PCNX1: variants seen among roughly 807,000 people sequenced by gnomAD.
PCNX1 encodes pecanex 1.
PCNX1 carries 78 observed loss-of-function variants against 242.2 expected under a neutral mutation model. The observed-to-expected ratio is 0.32, with a 90% confidence interval of 0.27 to 0.39. The LOEUF is 0.39. Among genes scored for constraint, PCNX1 ranks in the 10% least tolerant of loss-of-function variants. The pLI, the probability that PCNX1 is intolerant of heterozygous loss-of-function variation, is 1.00. For synonymous variants in PCNX1, 1,024 were observed against 1,032.9 expected (o/e 0.99, Z 0.17); for missense variants, 2,581 against 2,856.5 (o/e 0.90, Z 2.20).
chr14:71,045,114 C>T lies in PCNX1; in HGVS notation c.3868-19C>T, dbSNP rs1595362123. 1 of 1,547,784 alleles carries T rather than the reference C, an allele frequency of 6.5e-7. No individual in the cohort carries two copies. Among genetic ancestry groups the T allele is most frequent in the Non-Finnish European group, 8.7e-7 (1 of 1,147,462 alleles). Reference sequence around the variant, plus strand: ...CTCAAAATCACTCCTAATTTTATCACTTCTATTATTTTTTTTAGCCTGCCC... The same window carrying T: ...CTCAAAATCACTCCTAATTTTATCATTTCTATTATTTTTTTTAGCCTGCCC... On this transcript the variant is annotated intron_variant, in intron 19 of 35. Transcript: ENST00000304743.
chr14:70,977,974 C>A lies in PCNX1; in HGVS notation c.1637C>A (p.Ser546Tyr), dbSNP rs749367790. The part of the protein sequence containing the change: ...KQKEGDVRPK[S>Y]SSVIHRTASA... ...AAGGAAGGGGATGTTCGACCTAAAT[C>A]TTCTAGCGTAATCCATCGGACAGCT... The change falls in exon 6 of 36, where the codon TCT becomes TAT. Residue 546 changes from serine to tyrosine, a missense_variant. Physicochemically the swap from Ser to Tyr is moderately radical, Grantham distance 144. Transcript: ENST00000304743. 1.9e-6 allele frequency: 3 copies of A among 1,614,136 alleles called. No homozygotes were observed. Among genetic ancestry groups the A allele is most frequent in the Non-Finnish European group, 1.7e-6 (2 of 1,180,032 alleles).
intron 28 of PCNX1, among the ~76,000 whole-genome samples, chr14:71,080,700 AT>A (rs2061833006): frequency 6.6e-6 from 1 of 152,116 alleles, no homozygotes; most frequent in African/African-American, 2.4e-5. Context: ...AATGCTTGTG[AT>A]TTTTGCACAT....
At chr14:70,916,712 A>G (rs1440687003) in intron 1 of PCNX1, among the ~76,000 whole-genome samples, 1 of 152,182 alleles carries the variant, frequency 6.6e-6, no homozygotes, top group Non-Finnish European at 1.5e-5. Context: ...GGTCTTGCCT[A>G]AGTGTTGTTG....
At chr14:71,035,681 G>A (rs933405923) in intron 18 of PCNX1, among the ~76,000 whole-genome samples, 11 of 150,190 alleles carry the variant, frequency 7.3e-5, no homozygotes, top group African/African-American at 2.5e-4. Context: ...CAAGATGGGC[G>A]TATATCACTT....
chr14:70,997,616 T>C (rs761201909), intron 8 of PCNX1, among the ~76,000 whole-genome samples: 11 of 152,208 alleles, frequency 7.2e-5, no homozygotes, highest in Non-Finnish European at 1.6e-4. Flanking sequence ...ATTTGGATTT[T>C]ATCTTTTCTG....
chr14:71,000,470 C>T (rs1377874879), intron 8 of PCNX1, among the ~76,000 whole-genome samples: 2 of 150,390 alleles, frequency 1.3e-5, no homozygotes, highest in Non-Finnish European at 3.0e-5. Flanking sequence ...AGTTTTGTAT[C>T]TTGCTTTTTT....
chr14:71,083,210 CAG>C (rs1446756756), intron 28 of PCNX1, among the ~76,000 whole-genome samples: 2 of 152,204 alleles, frequency 1.3e-5, no homozygotes. Context: ...GCGGTTTCTG[CAG>C]AGAGATCTGC....
At chr14:70,978,715 T>C in intron 6 of PCNX1, 67 bp downstream of exon 6, 1 of 1,335,740 alleles carries the variant, frequency 7.5e-7, no homozygotes, top group Non-Finnish European at 1.0e-6. Context: ...ATTAGAGTAG[T>C]ACTTACTAAA....
At chr14:71,073,004 C>T (rs113518792) in intron 26 of PCNX1, among the ~76,000 whole-genome samples, 4 of 152,294 alleles carry the variant, frequency 2.6e-5, no homozygotes, top group Admixed American at 6.5e-5. Flanking sequence ...CTTTACCACA[C>T]GAATTATCAG....
chr14:71,070,787 CAACTTA>C (rs2061568173), intron 26 of PCNX1, among the ~76,000 whole-genome samples: 1 of 152,198 alleles, frequency 6.6e-6, no homozygotes, highest in Non-Finnish European at 1.5e-5. Context: ...ATGAGCATTT[CAACTTA>C]AACTTAGCAG....
chr14:70,918,273 T>G (rs1385666951), intron 1 of PCNX1, among the ~76,000 whole-genome samples: 2 of 152,242 alleles, frequency 1.3e-5, no homozygotes, highest in Non-Finnish European at 2.9e-5. Context: ...CTACCTGTCT[T>G]GGCTTTTGAT....
At chr14:71,002,917 G>A (rs552695077) in intron 8 of PCNX1, among the ~76,000 whole-genome samples, 26 of 152,058 alleles carry the variant, frequency 1.7e-4, no homozygotes, top group African/African-American at 6.0e-4. Context: ...AGACATAATG[G>A]GTATAGAATG....
intron 6 of PCNX1, among the ~76,000 whole-genome samples, chr14:70,981,294 G>T (rs1186155374): frequency 6.6e-6 from 1 of 152,098 alleles, no homozygotes; most frequent in Non-Finnish European, 1.5e-5. Context: ...TAATTCAGTG[G>T]TATAAAATTA....
intron 6 of PCNX1, among the ~76,000 whole-genome samples, chr14:70,979,704 T>C (rs1029026852): frequency 6.6e-6 from 1 of 152,166 alleles, no homozygotes; most frequent in African/African-American, 2.4e-5. Flanking sequence ...ATATGCTTTT[T>C]CTCAAAGATG....
intron 1 of PCNX1, among the ~76,000 whole-genome samples, chr14:70,936,124 A>T (rs1214856088): frequency 6.6e-6 from 1 of 152,098 alleles, no homozygotes; most frequent in African/African-American, 2.4e-5. Context: ...TAGGAATTTT[A>T]TTTTTATTTT....
chr14:71,018,096 A>G (rs1399346813), intron 11 of PCNX1, among the ~76,000 whole-genome samples: 1 of 152,014 alleles, frequency 6.6e-6, no homozygotes, highest in Admixed American at 6.6e-5. Flanking sequence ...TTTTTAACCT[A>G]TATGTTTAAT....
intron 30 of PCNX1, among the ~76,000 whole-genome samples, chr14:71,096,366 G>C (rs2062281975): frequency 6.6e-6 from 1 of 152,128 alleles, no homozygotes; most frequent in Admixed American, 6.5e-5. Flanking sequence ...CTGTACTTAG[G>C]AGGCTAAGGT....
intron 9 of PCNX1, 136 bp from the exon 10 acceptor site, chr14:71,011,356 C>G: frequency 3.0e-6 from 2 of 658,906 alleles, no homozygotes; most frequent in South Asian, 3.4e-5. Flanking sequence ...GTGCTTATCA[C>G]AACTCTAGGA....
chr14:71,025,482 T>C (rs1231486334), intron 13 of PCNX1, among the ~76,000 whole-genome samples: 4 of 152,140 alleles, frequency 2.6e-5, no homozygotes, highest in Non-Finnish European at 5.9e-5. Flanking sequence ...TAGTTGCTAG[T>C]AATCATTATT....
Sources: allele counts gnomAD v4.1 joint callset (sites outside exome capture counted in the v4.1 genomes callset), GRCh38; gene constraint gnomAD v4.1.1; transcripts MANE v1.5; gene names NCBI Gene and HGNC (gene_info 2026-07-23, HGNC 2026-07-21).